RPA1: variants seen among roughly 807,000 people sequenced by gnomAD.
RPA1 encodes replication protein A 70 kDa DNA-binding subunit.
In RPA1, 49 loss-of-function variants were observed where a neutral mutation model predicts 83.0. The observed-to-expected ratio is 0.59, with a 90% CI of 0.47 to 0.75. RPA1 has a LOEUF of 0.75. RPA1 is among the 30% of genes least tolerant of loss of function. The probability of loss-of-function intolerance (pLI) is 0.00; values close to 1 mark genes in which losing one functional copy is unlikely to be tolerated. For synonymous variants in RPA1, 279 were observed against 281.8 expected, an observed-to-expected ratio of 0.99 and a Z score of 0.10; for missense variants, 693 against 776.1, an observed-to-expected ratio of 0.89 and a Z score of 1.27.
At chr17:1,867,062 T>C (rs894722879) in intron 5 of RPA1, among the ~76,000 whole-genome samples, 1 of 152,242 alleles carries the variant, frequency 6.6e-6, no homozygotes, top group Non-Finnish European at 1.5e-5. Flanking sequence ...CTACTAGATA[T>C]TAATTTTTAT....
chr17:1,885,241 G>A (rs1454118861), intron 13 of RPA1, among the ~76,000 whole-genome samples: 3 of 152,138 alleles, frequency 2.0e-5, no homozygotes, highest in African/African-American at 4.8e-5. Flanking sequence ...CTTGCCCATC[G>A]TAAGGAGCAG....
chr17:1,831,895 G>A (rs192806783), intron 1 of RPA1, among the ~76,000 whole-genome samples: 34 of 131,108 alleles, frequency 2.6e-4, no homozygotes, highest in South Asian at 1.2e-3. Context: ...CACTGTGCCC[G>A]GCCTTTTTTT....
intron 14 of RPA1, among the ~76,000 whole-genome samples, chr17:1,889,212 A>G (rs1567827683): frequency 6.6e-6 from 1 of 152,312 alleles, no homozygotes; most frequent in East Asian, 1.9e-4. Context: ...GCTTTAGTAT[A>G]GCTGACTTCA....
At chr17:1,883,774 A>G in intron 12 of RPA1, 38 bp from the exon 13 acceptor site, 1 of 1,612,852 alleles carries the variant, frequency 6.2e-7, no homozygotes, top group Non-Finnish European at 8.5e-7. Context: ...AGCATGTCAC[A>G]TCAAGCGCTC....
intron 12 of RPA1, 83 bp downstream of exon 12, chr17:1,880,774 G>C: frequency 1.3e-6 from 2 of 1,561,798 alleles, no homozygotes; most frequent in South Asian, 1.1e-5. Flanking sequence ...GGAGCTTTCT[G>C]CCAAGCAGAA....
intron 8 of RPA1, among the ~76,000 whole-genome samples, chr17:1,877,538 A>T (rs949779309): frequency 9.2e-5 from 14 of 152,236 alleles, no homozygotes; most frequent in Admixed American, 2.6e-4. Flanking sequence ...TCCCTCTGTC[A>T]TAGTCTTTTG....
At chr17:1,874,032 T>TACACACACACAA (rs1913491594) in intron 6 of RPA1, among the ~76,000 whole-genome samples, 8 of 79,258 alleles carry the variant, frequency 1.0e-4, no homozygotes, top group Admixed American at 3.7e-4. Flanking sequence ...TATATATATA[T>TACACACACACAA]ACACACACAC....
At chr17:1,843,852 A>G (rs1912152477) in intron 2 of RPA1, 68 bp from the exon 3 acceptor site, 9 of 1,303,258 alleles carry the variant, frequency 6.9e-6, no homozygotes, top group African/African-American at 1.5e-5. Flanking sequence ...CTCTCCTGCC[A>G]CTTCGGTTTA....
At chr17:1,840,045 A>G (rs1428858946) in intron 1 of RPA1, among the ~76,000 whole-genome samples, 3 of 151,566 alleles carry the variant, frequency 2.0e-5, no homozygotes, top group African/African-American at 7.3e-5. Context: ...CTCCTGTCTC[A>G]GCCTCCCAAA....
At chr17:1,850,488 G>C (rs1318430172) in intron 4 of RPA1, among the ~76,000 whole-genome samples, 3 of 150,418 alleles carry the variant, frequency 2.0e-5, no homozygotes, top group Admixed American at 6.7e-5. Context: ...AGTGAGTTGA[G>C]ATTGCCCCAC....
Position 1,843,936 on chromosome 17 carries a change from C to G in RPA1, c.101C>G (p.Thr34Ser). ...CTGTCCTAGAACATCCGTCCCATTA[C>G]TACGGGGAATAGTCCGCCGCGTTAT... ...ILQVINIRPITTGNSPPRYRL... is the reference protein window; with the variant it reads ...ILQVINIRPISTGNSPPRYRL... The change falls in exon 3 of 17, where the codon ACT (threonine) becomes AGT (serine). Residue 34 changes from threonine to serine, a missense_variant. Thr to Ser is a moderately conservative substitution (Grantham distance 58, BLOSUM62 1). Coordinates refer to ENST00000254719, the MANE Select transcript of RPA1 (RefSeq NM_002945.5). 6.2e-7 allele frequency: 1 copy of G among 1,613,870 alleles called. No individual in the cohort carries two copies. Among genetic ancestry groups the G allele is most frequent in the Non-Finnish European group, 8.5e-7 (1 of 1,179,894 alleles).
rs1278250025 is a variant in RPA1, at chr17:1,897,422, C to G, written c.*247C>G. The G allele has an allele frequency of 2.5e-6, 1 of 403,356 alleles. No individual in the cohort carries two copies. The highest frequency in any genetic ancestry group is 4.4e-6 in the Non-Finnish European group (1 of 225,910). The allele number at this position is 403,356 out of a possible 1,614,324, so 25.0% of individuals were successfully genotyped here. A position where few individuals can be genotyped will look rare whatever the true frequency, so the allele number is the denominator to read the frequency against. ...CCAGTGGCTAGCGCAAGACCAGTCA[C>G]TCCCTCTGCCTTCAGGCTTCTGTCA... On this transcript the variant is annotated 3_prime_UTR_variant, in exon 17 of 17. Coordinates refer to ENST00000254719, the MANE Select transcript of RPA1 (RefSeq NM_002945.5).
chr17:1,840,699 G>A (rs778397921), intron 1 of RPA1, among the ~76,000 whole-genome samples: 7 of 152,174 alleles, frequency 4.6e-5, no homozygotes, highest in African/African-American at 7.2e-5. Context: ...AAGAGCCGCC[G>A]TTTGCAGCCT....
chr17:1,887,355 C>T (rs1051660651), intron 13 of RPA1, among the ~76,000 whole-genome samples: 17 of 151,428 alleles, frequency 1.1e-4, no homozygotes, highest in African/African-American at 2.9e-4. Flanking sequence ...GTCAGGAGAT[C>T]GAGACCATCC....
intron 3 of RPA1, 43 bp from the exon 4 acceptor site, chr17:1,844,535 A>G (rs1912183937): frequency 6.6e-7 from 1 of 1,521,046 alleles, no homozygotes; most frequent in African/African-American, 1.4e-5. Flanking sequence ...GAGGCTTAAG[A>G]CTGCAGGATT....
At chr17:1,881,766 G>C (rs1166958057) in intron 12 of RPA1, among the ~76,000 whole-genome samples, 1 of 152,118 alleles carries the variant, frequency 6.6e-6, no homozygotes, top group African/African-American at 2.4e-5. Flanking sequence ...GCTGTCCCCA[G>C]AATAAAATAA....
At chr17:1,894,938 TAA>T in intron 15 of RPA1, 69 bp from the exon 16 acceptor site, 2 of 1,256,992 alleles carry the variant, frequency 1.6e-6, no homozygotes, top group Non-Finnish European at 1.1e-6. Context: ...GAAGTCTTTT[TAA>T]AAGTCTTATC....
intron 4 of RPA1, among the ~76,000 whole-genome samples, chr17:1,850,424 C>T (rs1397759095): frequency 1.3e-5 from 2 of 151,242 alleles, no homozygotes; most frequent in Non-Finnish European, 2.9e-5. Flanking sequence ...ATAGTCCCAG[C>T]TACTCGGGAG....
chr17:1,858,676 G>A (rs1287965308), intron 5 of RPA1, among the ~76,000 whole-genome samples: 1 of 151,664 alleles, frequency 6.6e-6, no homozygotes, highest in African/African-American at 2.4e-5. Flanking sequence ...TGTTGGCCAG[G>A]CTGGTCTTGA....
Sources: allele counts gnomAD v4.1 joint callset (sites outside exome capture counted in the v4.1 genomes callset), GRCh38; gene constraint gnomAD v4.1.1; transcripts MANE v1.5; gene names NCBI Gene and HGNC (gene_info 2026-07-23, HGNC 2026-07-21).